NMNAT2: variants seen among roughly 807,000 people sequenced by gnomAD.
NMNAT2 encodes the protein nicotinamide nucleotide adenylyltransferase 2.
Under a neutral mutation model 41.6 loss-of-function variants are expected in NMNAT2, and 11 were observed. The observed-to-expected ratio is 0.26, with a 90% CI of 0.17 to 0.44. NMNAT2 has a LOEUF of 0.44. Among genes scored for constraint, NMNAT2 ranks in the 20% least tolerant of loss-of-function variants. The pLI is 1.00. For missense variants in NMNAT2, 288 were observed against 407.7 expected, an observed-to-expected ratio of 0.71 and a Z score of 2.53; for synonymous variants, 148 against 151.2, an observed-to-expected ratio of 0.98 and a Z score of 0.16.
chr1:183,416,173 G>C (rs186064126), intron 1 of NMNAT2, among the ~76,000 whole-genome samples: 1 of 152,310 alleles, frequency 6.6e-6, no homozygotes, highest in African/African-American at 2.4e-5. Context: ...TGTTAACAAA[G>C]AATCTTCAGC....
At chr1:183,283,966 AT>A (rs1558116250) in intron 7 of NMNAT2, 28 bp downstream of exon 7, 2 of 1,612,746 alleles carry the variant, frequency 1.2e-6, no homozygotes, top group South Asian at 1.1e-5. Flanking sequence ...AAATGTCCCC[AT>A]TTTCCGCACT....
At chr1:183,261,377 C>A in intron 8 of NMNAT2, 74 bp from the exon 9 acceptor site, 1 of 1,213,142 alleles carries the variant, frequency 8.2e-7, no homozygotes, top group Non-Finnish European at 1.2e-6. Flanking sequence ...CTTAGCATGG[C>A]AGAATCCGCT....
intron 1 of NMNAT2, among the ~76,000 whole-genome samples, chr1:183,318,743 C>A (rs1326045989): frequency 1.3e-5 from 2 of 152,326 alleles, no homozygotes; most frequent in Middle Eastern, 3.4e-3. Flanking sequence ...AAACTGCTGA[C>A]CTCTACTTCT....
intron 1 of NMNAT2, among the ~76,000 whole-genome samples, chr1:183,400,284 G>T (rs897485904): frequency 5.9e-5 from 9 of 152,136 alleles, no homozygotes; most frequent in Non-Finnish European, 1.2e-4. Flanking sequence ...CAAACAAAGA[G>T]CCAAATCATG....
chr1:183,293,722 C>T lies in NMNAT2; in HGVS notation c.157G>A (p.Asp53Asn), dbSNP rs758481682. 6.2e-7 allele frequency: 1 copy of T among 1,613,462 alleles called. No homozygotes were observed. The highest frequency in any genetic ancestry group is 8.5e-7 in the Non-Finnish European group (1 of 1,179,552). Residue 53 changes from aspartate to asparagine, a missense_variant, in exon 2 of 11, where the codon GAC (aspartate) becomes AAC (asparagine). This residue lies in a region of NMNAT2 where 100 missense variants were observed against 168.5 expected (regional missense o/e 0.59). Transcript: ENST00000287713. Reference protein sequence around the residue: ...VIGGIVSPVHDSYGKQGLVSS... With the variant: ...VIGGIVSPVHNSYGKQGLVSS... ...GAACCCACCTGTTTTCCATAGGAGTCGTGGACAGGGGAGACAATCCCGCCA... is the reference window on the plus strand; with the variant it reads ...GAACCCACCTGTTTTCCATAGGAGTTGTGGACAGGGGAGACAATCCCGCCA...
intron 10 of NMNAT2, among the ~76,000 whole-genome samples, chr1:183,253,667 T>G (rs1421174637): frequency 6.6e-6 from 1 of 152,178 alleles, no homozygotes; most frequent in African/African-American, 2.4e-5. Context: ...TTCCTACATA[T>G]TTGCTGCTTT....
rs372753146 is a variant in NMNAT2 at position 183,266,889 on chromosome 1, C to T, written c.652-5586G>A. ...AAGCTCAGGCTGATGTGAAGACTAC[C>T]AATGGCTATTTGCTTCATCTATTCT... On this transcript the variant is annotated intron_variant, in intron 8 of 10. Transcript: ENST00000287713. 58 of 160,856 alleles carry T rather than the reference C, an allele frequency of 3.6e-4. No individual in the cohort carries two copies. In the South Asian group the frequency reaches 8.8e-3, roughly 24 times the overall value. The allele number at this position is 160,856 out of a possible 1,614,324, so 10.0% of individuals were successfully genotyped here.
At chr1:183,264,202 T>C (rs1487558255) in intron 8 of NMNAT2, among the ~76,000 whole-genome samples, 1 of 152,078 alleles carries the variant, frequency 6.6e-6, no homozygotes, top group Non-Finnish European at 1.5e-5. Context: ...ATAATGGGTC[T>C]ATATAAAGTG....
chr1:183,350,039 C>T (rs147189877), intron 1 of NMNAT2, among the ~76,000 whole-genome samples: 2 of 152,332 alleles, frequency 1.3e-5, no homozygotes, highest in Non-Finnish European at 2.9e-5. Flanking sequence ...AGGCCACTAT[C>T]CCACACATTC....
chr1:183,352,971 G>C (rs1449265745), intron 1 of NMNAT2, among the ~76,000 whole-genome samples: 2 of 152,218 alleles, frequency 1.3e-5, no homozygotes, highest in Non-Finnish European at 2.9e-5. Context: ...ATGAAGAGGG[G>C]GTCAGAAAGG....
intron 1 of NMNAT2, among the ~76,000 whole-genome samples, chr1:183,367,338 G>A (rs538610868): frequency 1.3e-5 from 2 of 152,196 alleles, no homozygotes; most frequent in South Asian, 4.2e-4. Flanking sequence ...TGTGCCTGTA[G>A]TCCCAGCTAC....
intron 1 of NMNAT2, among the ~76,000 whole-genome samples, chr1:183,403,893 C>T (rs1648884310): frequency 6.6e-6 from 1 of 152,048 alleles, no homozygotes; most frequent in African/African-American, 2.4e-5. Flanking sequence ...AGACAGAAGC[C>T]AAGAATTCAA....
chr1:183,400,727 T>G (rs973310114), intron 1 of NMNAT2, among the ~76,000 whole-genome samples: 9 of 152,014 alleles, frequency 5.9e-5, no homozygotes, highest in African/African-American at 1.7e-4. Context: ...TATAGACCAA[T>G]GGAACAGAAC....
At chr1:183,360,527 G>C (rs1663285666) in intron 1 of NMNAT2, among the ~76,000 whole-genome samples, 1 of 152,152 alleles carries the variant, frequency 6.6e-6, no homozygotes, top group African/African-American at 2.4e-5. Context: ...GACCCCACTT[G>C]GAGGCCCCTA....
At chr1:183,257,259 A>G (rs190954786) in intron 10 of NMNAT2, among the ~76,000 whole-genome samples, 1 of 151,858 alleles carries the variant, frequency 6.6e-6, no homozygotes, top group Admixed American at 6.6e-5. Flanking sequence ...TGGCCAACAT[A>G]GTAAAACCCT....
chr1:183,395,225 T>C (rs80012944), intron 1 of NMNAT2, among the ~76,000 whole-genome samples: 1 of 152,060 alleles, frequency 6.6e-6, no homozygotes, highest in Non-Finnish European at 1.5e-5. Context: ...CAGAACTACA[T>C]CTGACCAGAG....
chr1:183,357,151 A>T (rs1371971800), intron 1 of NMNAT2, among the ~76,000 whole-genome samples: 1 of 151,994 alleles, frequency 6.6e-6, no homozygotes, highest in Non-Finnish European at 1.5e-5. Context: ...ACACTAAAAC[A>T]ATACACAGGA....
chr1:183,297,452 G>A (rs1023752193), intron 1 of NMNAT2, among the ~76,000 whole-genome samples: 2 of 150,170 alleles, frequency 1.3e-5, no homozygotes, highest in Non-Finnish European at 2.9e-5. Context: ...GCGTGATCTC[G>A]GCTCAGCGCA....
intron 1 of NMNAT2, among the ~76,000 whole-genome samples, chr1:183,365,244 T>C (rs879778762): frequency 2.0e-5 from 3 of 152,070 alleles, no homozygotes; most frequent in Admixed American, 1.3e-4. Context: ...ACCCTTTGCA[T>C]TGCTTTTCTT....
Sources: allele counts gnomAD v4.1 joint callset (sites outside exome capture counted in the v4.1 genomes callset), GRCh38; gene constraint gnomAD v4.1.1; regional missense constraint gnomAD v4.1.1; transcripts MANE v1.5; gene names NCBI Gene and HGNC (gene_info 2026-07-23, HGNC 2026-07-21).